The following MYLK4 variants were observed in gnomAD, a reference collection of about 807,000 sequenced individuals.
MYLK4 encodes myosin light chain kinase family member 4.
In MYLK4, 46 loss-of-function variants were observed where a neutral mutation model predicts 48.1. The ratio of observed to expected loss-of-function variants is 0.96; its 90% CI spans 0.75 to 1.22. MYLK4 has a LOEUF of 1.22. Among genes scored for constraint, MYLK4 ranks in the 50% most tolerant of loss-of-function variants. The pLI, the probability that MYLK4 is intolerant of heterozygous loss-of-function variation, is 0.00. For missense variants in MYLK4, 451 were observed against 486.1 expected, an observed-to-expected ratio of 0.93 and a Z score of 0.68; for synonymous variants, 170 against 180.8, an observed-to-expected ratio of 0.94 and a Z score of 0.48.
chr6:2,762,411 G>GA, the MYLK4 span, among the ~76,000 whole-genome samples: 3 of 152,106 alleles, frequency 2.0e-5, no homozygotes, highest in Non-Finnish European at 4.4e-5. Context: ...ATTATTTTCT[G>GA]AAAAAAGAAA....
At chr6:2,714,207 C>A (rs1762783501) in intron 2 of MYLK4, among the ~76,000 whole-genome samples, 1 of 152,168 alleles carries the variant, frequency 6.6e-6, no homozygotes, top group Admixed American at 6.5e-5. Context: ...CCAAAGGAAT[C>A]CCCAGCTGGC....
chr6:2,737,205 C>T (rs1021410703), intron 2 of MYLK4, among the ~76,000 whole-genome samples: 21 of 152,148 alleles, frequency 1.4e-4, no homozygotes, highest in Non-Finnish European at 2.5e-4. Flanking sequence ...CCCAGCTACT[C>T]GGGAGGCAAA....
At chr6:2,668,567 C>T (rs561523880) in intron 12 of MYLK4, among the ~76,000 whole-genome samples, 4 of 152,262 alleles carry the variant, frequency 2.6e-5, no homozygotes, top group Admixed American at 2.0e-4. Flanking sequence ...CTTTCTTTTA[C>T]AACAGGAATA....
rs946828905 is a variant in MYLK4, at chr6:2,744,061, G to A, written c.159+5075C>T. The A allele has an allele frequency of 1.3e-5, 5 of 398,908 alleles. No individual in the cohort carries two copies. The East Asian group carries it at 1.4e-4, about 11-fold the overall frequency. The allele number at this position is 398,908 out of a possible 1,614,324, so 24.7% of individuals were successfully genotyped here. Reference sequence around the variant, plus strand: ...TTCTTTGGGAGCAGCTGTGGATGTTGCTTGGCTTATATGTTCCTTCCCTGC... The same window carrying A: ...TTCTTTGGGAGCAGCTGTGGATGTTACTTGGCTTATATGTTCCTTCCCTGC... On this transcript the variant is annotated intron_variant, in intron 2 of 12. Coordinates refer to ENST00000274643, the MANE Select transcript of MYLK4 (RefSeq NM_001012418.5).
the MYLK4 span, chr6:2,765,704 C>T: frequency 1.2e-5 from 18 of 1,546,098 alleles, no homozygotes; most frequent in Admixed American, 9.1e-5. Context: ...GCAGATGATG[C>T]CCGCCGCGCA....
At chr6:2,765,539 G>C in the MYLK4 span, 1 of 1,330,868 alleles carries the variant, frequency 7.5e-7, no homozygotes. Flanking sequence ...TCGCGGCGCG[G>C]GGCCTAGCGG....
chr6:2,748,594 A>G (rs1455975844), intron 2 of MYLK4, among the ~76,000 whole-genome samples: 3 of 152,240 alleles, frequency 2.0e-5, no homozygotes, highest in Non-Finnish European at 4.4e-5. Flanking sequence ...AGATGTGGCA[A>G]GCCCTTGGTT....
At chr6:2,677,280 C>T (rs922212547) in intron 10 of MYLK4, among the ~76,000 whole-genome samples, 1 of 152,184 alleles carries the variant, frequency 6.6e-6, no homozygotes, top group Non-Finnish European at 1.5e-5. Flanking sequence ...AGGTGATCAA[C>T]ACTTGAATGA....
intron 2 of MYLK4, among the ~76,000 whole-genome samples, chr6:2,695,089 G>T (rs1441453793): frequency 6.6e-6 from 1 of 151,978 alleles, no homozygotes; most frequent in South Asian, 2.1e-4. Flanking sequence ...TGGAAGAGAA[G>T]CAAAAAAAGG....
intron 2 of MYLK4, among the ~76,000 whole-genome samples, chr6:2,713,125 C>T (rs753856839): frequency 6.6e-6 from 1 of 152,112 alleles, no homozygotes; most frequent in African/African-American, 2.4e-5. Context: ...AATCCCAGAA[C>T]TTTGGGAGGC....
chr6:2,678,001 A>T, intron 10 of MYLK4, among the ~76,000 whole-genome samples: 1 of 152,242 alleles, frequency 6.6e-6, no homozygotes, highest in Middle Eastern at 3.2e-3. Context: ...GTATGGCCAT[A>T]TGATAAATGG....
At chr6:2,680,679 T>C (rs1761265912) in intron 7 of MYLK4, 1 of 663,186 alleles carries the variant, frequency 1.5e-6, no homozygotes, top group African/African-American at 2.0e-5. Flanking sequence ...GAAATATTTT[T>C]CCCAAGATTG....
At chr6:2,767,756 C>T in the MYLK4 span, among the ~76,000 whole-genome samples, 4 of 152,194 alleles carry the variant, frequency 2.6e-5, no homozygotes, top group African/African-American at 9.7e-5. Flanking sequence ...AGTGGGTGAG[C>T]TCATCCCACC....
chr6:2,762,833 T>G, the MYLK4 span, among the ~76,000 whole-genome samples: 2 of 152,218 alleles, frequency 1.3e-5, no homozygotes, highest in African/African-American at 2.4e-5. Flanking sequence ...GGTCAGCATC[T>G]CTTAAGTTAG....
chr6:2,696,419 G>A (rs1473933168), intron 2 of MYLK4, among the ~76,000 whole-genome samples: 1 of 152,204 alleles, frequency 6.6e-6, no homozygotes, highest in Non-Finnish European at 1.5e-5. Context: ...GCCTTCGAAG[G>A]TGACTAGGTC....
chr6:2,714,593 C>T (rs1762800869), intron 2 of MYLK4, among the ~76,000 whole-genome samples: 1 of 152,216 alleles, frequency 6.6e-6, no homozygotes, highest in Non-Finnish European at 1.5e-5. Context: ...TATGACCCAG[C>T]AATTCCACTT....
At position 2,678,344 on chromosome 6, in the gene MYLK4, C is replaced by T; in HGVS notation, c.916G>A (p.Asp306Asn). 1 of 1,614,018 alleles carries T rather than the reference C, an allele frequency of 6.2e-7. No individual in the cohort carries two copies. Among genetic ancestry groups the T allele is most frequent in the Non-Finnish European group, 8.5e-7 (1 of 1,180,018 alleles). The change falls in exon 10 of 13, where the codon GAC becomes AAC. Residue 306 changes from aspartate (D) to asparagine (N), a missense_variant. Coordinates refer to ENST00000274643, the MANE Select transcript of MYLK4 (RefSeq NM_001012418.5). ...TTGTTCAGCGTCTCAGCATCATTGT[C>T]ACCCAGGAAAGGCGACAAACCGCTA... The part of the protein sequence containing the change: ...LLSGLSPFLG[D>N]NDAETLNNIL...
intron 2 of MYLK4, among the ~76,000 whole-genome samples, chr6:2,722,478 G>T (rs920571846): frequency 6.6e-6 from 1 of 151,270 alleles, no homozygotes; most frequent in Admixed American, 6.6e-5. Context: ...TAACTATGTT[G>T]AGAGAATGAG....
chr6:2,767,678 A>G, the MYLK4 span, among the ~76,000 whole-genome samples: 2 of 152,254 alleles, frequency 1.3e-5, no homozygotes, highest in Non-Finnish European at 2.9e-5. Context: ...AAGTCTTTAC[A>G]TAAGATCATG....
Sources: allele counts gnomAD v4.1 joint callset (sites outside exome capture counted in the v4.1 genomes callset), GRCh38; gene constraint gnomAD v4.1.1; transcripts MANE v1.5; gene names NCBI Gene and HGNC (gene_info 2026-07-23, HGNC 2026-07-21).